Variants in AGR3 observed in about 807,000 individuals in gnomAD.
The protein encoded by AGR3 is anterior gradient protein 3.
AGR3 carries 37 observed loss-of-function variants against 24.5 expected under a neutral mutation model. That is an observed-to-expected ratio of 1.51 (90% CI 1.16 to 1.99). The LOEUF is 1.99. AGR3 is among the 30% of genes most tolerant of loss of function. The pLI is 0.00. For missense variants in AGR3, 228 were observed against 191.1 expected, an observed-to-expected ratio of 1.19 and a Z score of -1.14; for synonymous variants, 75 against 61.6, an observed-to-expected ratio of 1.22 and a Z score of -1.02.
At chr7:16,865,722 A>G in intron 3 of AGR3, 1 of 766,046 alleles carries the variant, frequency 1.3e-6, no homozygotes, top group Non-Finnish European at 2.4e-6. Flanking sequence ...AACTCTTTGC[A>G]AACTGCTATC....
Position 16,862,053 on chromosome 7 carries a change from C to T in AGR3, c.234G>A (p.Lys78=). Reference sequence around the variant, plus strand: ...TTTCTTCATTTTGGGCAAATACTTTCTTTAGTGCTATAGGGGAAAACAAAA... The same window carrying T: ...TTTCTTCATTTTGGGCAAATACTTTTTTTAGTGCTATAGGGGAAAACAAAA... The part of the protein sequence containing the change: ...LEDCQYSQAL[K]KVFAQNEEIQ... The change falls in exon 5 of 8, where the codon AAG becomes AAA. Residue 78 remains lysine, a synonymous_variant. Transcript: ENST00000310398. 2 of 1,613,176 alleles carry T rather than the reference C, an allele frequency of 1.2e-6. No individual in the cohort carries two copies. Among genetic ancestry groups the T allele is most frequent in the Non-Finnish European group, 1.7e-6 (2 of 1,179,428 alleles).
downstream of AGR3, among the ~76,000 whole-genome samples, chr7:16,856,445 C>CACATAAATA (rs1781556353): frequency 1.3e-5 from 2 of 152,078 alleles, no homozygotes; most frequent in Admixed American, 6.6e-5. Flanking sequence ...TTTAAAATAT[C>CACATAAATA]ACATAAATAA....
chr7:16,865,579 T>G, intron 3 of AGR3: 1 of 717,648 alleles, frequency 1.4e-6, no homozygotes, highest in Non-Finnish European at 2.6e-6. Flanking sequence ...ACATACTTCC[T>G]TAGAACTTCA....
intron 3 of AGR3, chr7:16,864,338 G>A (rs1385132781): frequency 2.2e-6 from 3 of 1,359,870 alleles, no homozygotes; most frequent in Non-Finnish European, 3.2e-6. Flanking sequence ...AAGAGCTGAG[G>A]CTGGCTGGCA....
intron 3 of AGR3, among the ~76,000 whole-genome samples, chr7:16,871,786 G>A (rs897397524): frequency 3.9e-5 from 6 of 152,090 alleles, no homozygotes; most frequent in Non-Finnish European, 5.9e-5. Flanking sequence ...AGGTTGCAGC[G>A]AGCTGAGATC....
chr7:16,865,336 G>T, intron 3 of AGR3: 1 of 1,158,336 alleles, frequency 8.6e-7, no homozygotes, highest in Non-Finnish European at 1.3e-6. Context: ...CCTTGACAGA[G>T]CACCTCTAGA....
chr7:16,872,087 G>A (rs1199523895), intron 3 of AGR3, among the ~76,000 whole-genome samples: 1 of 26,450 alleles, frequency 3.8e-5, no homozygotes, highest in African/African-American at 7.9e-5. Context: ...ATTTTTCACA[G>A]AAACAGAAAG....
chr7:16,880,824 C>T (rs1235572020), intron 1 of AGR3, among the ~76,000 whole-genome samples: 2 of 151,942 alleles, frequency 1.3e-5, no homozygotes, highest in East Asian at 3.9e-4. Flanking sequence ...AAAGCTCAAC[C>T]CAGGGAAGGC....
Position 16,861,452 on chromosome 7 carries a change from C to T in AGR3, c.304-5G>A. 1 of 1,601,264 alleles carries T rather than the reference C, an allele frequency of 6.2e-7. No homozygotes were observed. The highest frequency in any genetic ancestry group is 1.1e-5 in the South Asian group (1 of 88,582). ...ATTCTTATCAGTGGTTTCATGCTAG[C>T]AGGAGAAGAAAAAAAAAGAATGTTA... is the stretch of plus-strand genomic sequence containing the variant. On this transcript the variant is annotated splice_region_variant and splice_polypyrimidine_tract_variant and intron_variant, in intron 5 of 7. Transcript: ENST00000310398.
At chr7:16,864,730 G>A (rs761805189) in intron 3 of AGR3, 35 of 1,461,508 alleles carry the variant, frequency 2.4e-5, no homozygotes, top group Admixed American at 1.2e-4. Flanking sequence ...AAACCACTGC[G>A]GTGTGTGCGA....
intron 3 of AGR3, chr7:16,864,330 G>C (rs1450693794): frequency 7.3e-7 from 1 of 1,365,296 alleles, no homozygotes; most frequent in African/African-American, 1.4e-5. Context: ...GGGCTGAAAA[G>C]AGCTGAGGCT....
intron 1 of AGR3, among the ~76,000 whole-genome samples, chr7:16,880,864 G>C (rs1026925094): frequency 6.6e-6 from 1 of 152,064 alleles, no homozygotes; most frequent in African/African-American, 2.4e-5. Context: ...GGGAGTTGCA[G>C]TGGAGGAACT....
At chr7:16,860,470 C>T (rs188557202) in intron 7 of AGR3, 30 bp downstream of exon 7, 4 of 1,532,042 alleles carry the variant, frequency 2.6e-6, no homozygotes, top group Non-Finnish European at 3.6e-6. Flanking sequence ...CAGCTATGAC[C>T]ACTGTTTGAG....
chr7:16,856,977 T>TG (rs1491503411), downstream of AGR3, among the ~76,000 whole-genome samples: 204 of 23,516 alleles, frequency 8.7e-3, no homozygotes, highest in African/African-American at 0.049. Flanking sequence ...TATAGAAAGG[T>TG]TTTTTTTTTT....
intron 3 of AGR3, among the ~76,000 whole-genome samples, chr7:16,868,453 C>A (rs568941497): frequency 5.1e-4 from 77 of 152,220 alleles, no homozygotes; most frequent in African/African-American, 1.8e-3. Flanking sequence ...CGGCGCCCAG[C>A]CTGTATGTCT....
chr7:16,862,568 A>G, intron 4 of AGR3, 42 bp downstream of exon 4: 1 of 1,248,128 alleles, frequency 8.0e-7, no homozygotes, highest in Non-Finnish European at 1.1e-6. Context: ...TTTATATTGG[A>G]AATATTATAT....
chr7:16,872,587 A>G (rs1781904825), intron 3 of AGR3, among the ~76,000 whole-genome samples: 1 of 152,202 alleles, frequency 6.6e-6, no homozygotes, highest in Admixed American at 6.5e-5. Context: ...CACAGGCAAC[A>G]AAAACAAAAA....
At chr7:16,860,339 C>A (rs1209961001) in intron 7 of AGR3, 161 bp downstream of exon 7, 3 of 575,438 alleles carry the variant, frequency 5.2e-6, no homozygotes, top group Non-Finnish European at 9.3e-6. Context: ...GAGGTACCCC[C>A]AAAATTCTGA....
At chr7:16,858,634 G>A (rs1421616961), downstream of AGR3, among the ~76,000 whole-genome samples, 1 of 152,150 alleles carries the variant, frequency 6.6e-6, no homozygotes, top group Non-Finnish European at 1.5e-5. Context: ...CACTTTGGGA[G>A]GCTGAGGTGG....
Sources: gnomAD v4.1 joint callset for allele counts (sites outside exome capture counted in the v4.1 genomes callset) on GRCh38, gnomAD v4.1.1 for gene constraint, MANE v1.5 for transcripts, NCBI Gene and HGNC (gene_info 2026-07-23, HGNC 2026-07-21) for gene names.